Variants in MAP7D3 observed in about 807,000 individuals in gnomAD.
MAP7D3 encodes the protein MAP7 domain containing 3.
Under a neutral mutation model 62.2 loss-of-function variants are expected in MAP7D3, and 45 were observed. The ratio of observed to expected loss-of-function variants is 0.72; its 90% CI spans 0.57 to 0.93. The LOEUF is 0.93. Ranked by LOEUF, MAP7D3 falls within the 40% of genes least tolerant of loss-of-function variation. The pLI is 0.00. For missense variants in MAP7D3, 711 were observed against 683.1 expected, an observed-to-expected ratio of 1.04 and a Z score of -0.45; for synonymous variants, 288 against 248.8, an observed-to-expected ratio of 1.16 and a Z score of -1.48.
chrX:136,241,236 C>G lies in MAP7D3; in HGVS notation c.459G>C (p.Arg153Ser), dbSNP rs1439049353. 1 of 1,178,918 alleles carries G rather than the reference C, an allele frequency of 8.5e-7. No homozygotes were observed. Among genetic ancestry groups the G allele is most frequent in the Non-Finnish European group, 1.1e-6 (1 of 877,071 alleles). The change falls in exon 5 of 19, where the codon AGG (arginine) becomes AGC (serine). Residue 153 changes from arginine (R) to serine (S), a missense_variant. Physicochemically the swap from Arg to Ser is moderately radical, Grantham distance 110. Coordinates refer to ENST00000316077, the MANE Select transcript of MAP7D3 (RefSeq NM_024597.4). ...TTTGCTGATAATCATCAGCAAGTCT[C>G]CTCCGTTCCAAAGTACGATAAAGAA... is the stretch of plus-strand genomic sequence containing the variant. Reference protein sequence around the residue: ...TAILYRTLERRRLADDYQQKR... With the variant: ...TAILYRTLERSRLADDYQQKR...
rs1230044299 is a variant in MAP7D3 at position 136,231,546 on chromosome X, T to C, written c.1411A>G (p.Lys471Glu). 1 of 1,198,600 alleles carries C rather than the reference T, an allele frequency of 8.3e-7. No homozygotes were observed. Residue 471 changes from lysine to glutamate, a missense_variant and splice_region_variant, in exon 8 of 19, where the codon AAG becomes GAG. Transcript: ENST00000316077. Reference protein sequence around the residue: ...SPKAKARDAPKKSEMDKQALI... With the variant: ...SPKAKARDAPEKSEMDKQALI... ...TCAATAACAGGCACTTGACAAACCTTTGGAGCGTCTCTCGCTTTTGCCTTG... is the reference window on the plus strand; with the variant it reads ...TCAATAACAGGCACTTGACAAACCTCTGGAGCGTCTCTCGCTTTTGCCTTG...
upstream of MAP7D3, among the ~76,000 whole-genome samples, chrX:136,252,031 A>T (rs910945949): frequency 8.9e-6 from 1 of 112,615 alleles, no homozygotes; most frequent in Non-Finnish European, 1.9e-5. Context: ...AGACTCTACC[A>T]GGTTGCAGAA....
At chrX:136,230,119 C>T (rs1461314836) in intron 10 of MAP7D3, among the ~76,000 whole-genome samples, 1 of 106,752 alleles carries the variant, frequency 9.4e-6, no homozygotes, top group East Asian at 2.9e-4. Flanking sequence ...GCGTGAGCTA[C>T]CATGCTTGGC....
Position 136,230,975 on chromosome X carries a change from A to G in MAP7D3, c.1414-9T>C. 8.5e-7 allele frequency: 1 copy of G among 1,171,167 alleles called. No individual in the cohort carries two copies. The highest frequency in any genetic ancestry group is 1.1e-6 in the Non-Finnish European group (1 of 870,844). On this transcript the variant is annotated splice_polypyrimidine_tract_variant and intron_variant, in intron 8 of 18. Coordinates refer to ENST00000316077, the MANE Select transcript of MAP7D3 (RefSeq NM_024597.4). The stretch of plus-strand genomic sequence containing the variant: ...TTGTCCATTTCTGATTTCTGAACAG[A>G]TAAACACAGTATGGTAAATTACTAA...
At chrX:136,219,976 A>G (rs1339551488) in intron 16 of MAP7D3, among the ~76,000 whole-genome samples, 2 of 111,912 alleles carry the variant, frequency 1.8e-5, no homozygotes, top group Non-Finnish European at 3.8e-5. Flanking sequence ...AGGTGTAGTA[A>G]CAGAATTGGT....
chrX:136,230,969 G>A lies in MAP7D3; in HGVS notation c.1414-3C>T. On this transcript the variant is annotated splice_region_variant and splice_polypyrimidine_tract_variant and intron_variant, in intron 8 of 18. Coordinates refer to ENST00000316077, the MANE Select transcript of MAP7D3 (RefSeq NM_024597.4). The stretch of plus-strand genomic sequence containing the variant: ...GCCTGTTTGTCCATTTCTGATTTCT[G>A]AACAGATAAACACAGTATGGTAAAT... The A allele has an allele frequency of 8.4e-7, 1 of 1,185,770 alleles. No homozygotes were observed. Among genetic ancestry groups the A allele is most frequent in the Non-Finnish European group, 1.1e-6 (1 of 878,089 alleles).
intron 4 of MAP7D3, 81 bp downstream of exon 4, chrX:136,244,551 C>G: frequency 1.1e-6 from 1 of 912,326 alleles, no homozygotes; most frequent in African/African-American, 2.0e-5. Context: ...GCAAGTAAGG[C>G]AGAGAAGGCC....
chrX:136,227,141 A>G (rs935196644), intron 12 of MAP7D3, 143 bp downstream of exon 12: 5 of 437,891 alleles, frequency 1.1e-5, no homozygotes, highest in Non-Finnish European at 1.8e-5. Flanking sequence ...AAATTAATAA[A>G]TAAATAAATA....
chrX:136,222,580 G>T, intron 14 of MAP7D3, 94 bp from the exon 15 acceptor site: 1 of 684,305 alleles, frequency 1.5e-6, no homozygotes, highest in Non-Finnish European at 2.2e-6. Flanking sequence ...TGGACTGATG[G>T]CTAATTTTTG....
chrX:136,222,790 C>T (rs2074144989), intron 14 of MAP7D3, among the ~76,000 whole-genome samples: 3 of 107,039 alleles, frequency 2.8e-5, no homozygotes, highest in Admixed American at 1.0e-4. Flanking sequence ...TTAACTAAGG[C>T]GGGATGGGAC....
Position 136,246,094 on chromosome X carries a change from C to A in MAP7D3, c.224G>T (p.Arg75Leu). 8.3e-7 allele frequency: 1 copy of A among 1,202,274 alleles called. No individual in the cohort carries two copies. The highest frequency in any genetic ancestry group is 1.1e-6 in the Non-Finnish European group (1 of 889,799). Residue 75 changes from arginine (R) to leucine (L), a missense_variant, in exon 3 of 19, where the codon CGC becomes CTC. Physicochemically the swap from Arg to Leu is moderately radical, Grantham distance 102. Transcript: ENST00000316077. ...NDIKQRLARE[R>L]REEKRRQQDA... ...TTGCTGTCTCCTTTTCTCCTCTCTGCGCTCTCTTGCTAATCTTTGTTTTAT... is the reference window on the plus strand; with the variant it reads ...TTGCTGTCTCCTTTTCTCCTCTCTGAGCTCTCTTGCTAATCTTTGTTTTAT...
At chrX:136,228,594 T>C in intron 11 of MAP7D3, 29 bp downstream of exon 11, 2 of 1,171,073 alleles carry the variant, frequency 1.7e-6, no homozygotes, top group Non-Finnish European at 2.3e-6. Context: ...TCAAGATTTA[T>C]AGTATAGGAA....
intron 1 of MAP7D3, among the ~76,000 whole-genome samples, chrX:136,249,929 AT>A (rs1331086081): frequency 2.7e-5 from 3 of 112,375 alleles, no homozygotes; most frequent in African/African-American, 9.7e-5. Context: ...CCCATATATA[AT>A]TTTAAAACAC....
chrX:136,252,676 C>CAAAAAAAAAAAAAAAAA (rs770751343), upstream of MAP7D3, among the ~76,000 whole-genome samples: 9 of 36,047 alleles, frequency 2.5e-4, no homozygotes, highest in East Asian at 8.8e-4. Context: ...GACTCTGTCT[C>CAAAAAAAAAAAAAAAAA]AAAAAAAAAA....
At chrX:136,216,359 TA>T (rs58245551), downstream of MAP7D3, among the ~76,000 whole-genome samples, 12 of 25,507 alleles carry the variant, frequency 4.7e-4, no homozygotes, top group East Asian at 1.6e-3. Context: ...ACCCTATCTC[TA>T]AAAAAAAAAA....
chrX:136,238,289 A>G (rs1445021598), intron 6 of MAP7D3, among the ~76,000 whole-genome samples: 3 of 111,874 alleles, frequency 2.7e-5, no homozygotes, highest in South Asian at 3.7e-4. Context: ...TAGATTCCTG[A>G]GGAATCGCCA....
intron 14 of MAP7D3, 106 bp from the exon 15 acceptor site, chrX:136,222,592 C>A: frequency 1.6e-6 from 1 of 621,741 alleles, no homozygotes; most frequent in South Asian, 3.1e-5. Context: ...TAATTTTTGT[C>A]ATTTCAACGA....
At chrX:136,234,994 T>G (rs1183047101) in intron 7 of MAP7D3, among the ~76,000 whole-genome samples, 1 of 112,061 alleles carries the variant, frequency 8.9e-6, no homozygotes, top group Non-Finnish European at 1.9e-5. Context: ...TGGACTGCAC[T>G]GTCAAAGAAG....
chrX:136,220,056 C>T (rs182783956), intron 16 of MAP7D3, among the ~76,000 whole-genome samples: 1 of 112,447 alleles, frequency 8.9e-6, no homozygotes, highest in Non-Finnish European at 1.9e-5. Flanking sequence ...TCCTGTGGGC[C>T]TTGCAGGTGA....
Sources: gnomAD v4.1 joint callset for allele counts (sites outside exome capture counted in the v4.1 genomes callset) on GRCh38, gnomAD v4.1.1 for gene constraint, MANE v1.5 for transcripts, NCBI Gene and HGNC (gene_info 2026-07-23, HGNC 2026-07-21) for gene names.